KRT40: variants seen among roughly 807,000 people sequenced by gnomAD.
KRT40 encodes the protein keratin 40, also known as keratin, type I cytoskeletal 40.
Under a neutral mutation model 43.5 loss-of-function variants are expected in KRT40, and 47 were observed. The observed-to-expected ratio is 1.08, with a 90% CI of 0.86 to 1.38. The LOEUF (loss-of-function observed/expected upper bound fraction) is 1.38. KRT40 is among the 40% of genes most tolerant of loss of function. The probability of loss-of-function intolerance (pLI) is 0.00; values close to 1 mark genes in which losing one functional copy is unlikely to be tolerated. For synonymous variants in KRT40, 212 were observed against 214.0 expected, an observed-to-expected ratio of 0.99 and a Z score of 0.08; for missense variants, 573 against 523.6, an observed-to-expected ratio of 1.09 and a Z score of -0.92.
rs35971084 is a variant in KRT40 at position 40,980,024 on chromosome 17, A to G, written c.975+761T>C. On this transcript the variant is annotated intron_variant, in intron 5 of 6. Transcript: ENST00000377755. Reference sequence around the variant, plus strand: ...ACATCTACGTAAAAAAAATTTACGCATATTATATATCAATAAAAATAAATT... The same window carrying G: ...ACATCTACGTAAAAAAAATTTACGCGTATTATATATCAATAAAAATAAATT... Among the ~76,000 whole-genome samples the G allele has an allele frequency of 5.3e-5, 8 of 152,012 alleles. No homozygotes were observed. In the East Asian group the frequency reaches 1.5e-3, roughly 29 times the overall value.
chr17:40,985,956 C>T (rs2058738), upstream of KRT40, among the ~76,000 whole-genome samples: 43,414 of 152,090 alleles, frequency 0.29, 6,744 homozygotes, highest in African/African-American at 0.39. Flanking sequence ...AGAAATATTT[C>T]CTTCTGTCTG....
At chr17:40,984,716 T>C (rs80011027), upstream of KRT40, among the ~76,000 whole-genome samples, 2,499 of 152,318 alleles carry the variant, frequency 0.016, 69 homozygotes, top group African/African-American at 0.058. Flanking sequence ...TTAAAATTAG[T>C]ATTACAGCTC....
At position 40,978,223 on chromosome 17, in the gene KRT40, A is replaced by G. The variant is rs557209850; in HGVS notation, c.1270T>C (p.Cys424Arg). ...TCEPCSAYVI[C>R]TVENCCL ...CACAAGCAGCAGTTTTCAACAGTGC[A>G]GATGACATAGGCTGAGCATGGCTCA... The change falls in exon 7 of 7, where the codon TGC becomes CGC. Residue 424 changes from cysteine (C) to arginine (R), a missense_variant. Coordinates refer to ENST00000377755, the MANE Select transcript of KRT40 (RefSeq NM_001389244.1). 9.6e-4 allele frequency: 1,553 copies of G among 1,613,932 alleles called. 25 individuals are homozygous for G. The South Asian group carries it at 0.016, about 17-fold the overall frequency.
intron 1 of KRT40, 139 bp downstream of exon 1, chr17:40,983,688 G>A (rs1227688046): frequency 1.3e-5 from 10 of 767,144 alleles, no homozygotes; most frequent in Non-Finnish European, 1.9e-5. Flanking sequence ...CTTTCAGTCC[G>A]GTGCTCTCCC....
chr17:40,980,150 T>C (rs1006837819), intron 5 of KRT40, among the ~76,000 whole-genome samples: 2 of 152,202 alleles, frequency 1.3e-5, no homozygotes, highest in African/African-American at 4.8e-5. Context: ...TTAATCTGAG[T>C]CTCAGTTTTC....
intron 1 of KRT40, among the ~76,000 whole-genome samples, chr17:40,983,570 T>A (rs1032292303): frequency 6.6e-6 from 1 of 152,164 alleles, no homozygotes; most frequent in Non-Finnish European, 1.5e-5. Flanking sequence ...TATAATACAG[T>A]TTTTCTGCAT....
rs879344774 is a variant in KRT40 at position 40,984,168 on chromosome 17, C to T, written c.106G>A (p.Gly36Ser). Residue 36 changes from glycine to serine, a missense_variant, in exon 1 of 7, where the codon GGT becomes AGT. Transcript: ENST00000377755. ...TGACATCGGGATGTAGCACAGGTAC[C>T]GGGGAGACAAGCTGTTTCCACGGAG... is the stretch of plus-strand genomic sequence containing the variant. ...SCSVETACLP[G>S]TCATSRCQTP... 3.0e-5 allele frequency: 49 copies of T among 1,613,848 alleles called. No individual in the cohort carries two copies. Among genetic ancestry groups the T allele is most frequent in the Non-Finnish European group, 3.8e-5 (45 of 1,180,010 alleles).
chr17:40,979,588 C>G (rs1240449865), intron 5 of KRT40, among the ~76,000 whole-genome samples: 1 of 152,032 alleles, frequency 6.6e-6, no homozygotes, highest in African/African-American at 2.4e-5. Context: ...ACTATCACTA[C>G]CACCACTATG....
chr17:40,982,342 C>T lies in KRT40; in HGVS notation c.652G>A (p.Glu218Lys), dbSNP rs774403118. 29 of 1,600,344 alleles carry T rather than the reference C, an allele frequency of 1.8e-5. 1 individual carries two copies. In the South Asian group the frequency reaches 3.2e-4, roughly 17 times the overall value. ...DLEAHVESLK[E>K]DLLCLKKNHE... ...TTTTTCTTAAGGCAAAGGAGATCTT[C>T]CTTCAGAGACTCCACATGGGCCTCC... The change falls in exon 3 of 7, where the codon GAA (glutamate) becomes AAA (lysine). Residue 218 changes from glutamate to lysine, a missense_variant. By Grantham distance (56) the Glu-to-Lys change is moderately conservative. Transcript: ENST00000377755.
rs746753049 is a variant in KRT40 at position 40,980,768 on chromosome 17, G to A, written c.975+17C>T. On this transcript the variant is annotated intron_variant, in intron 5 of 6. Coordinates refer to ENST00000377755, the MANE Select transcript of KRT40 (RefSeq NM_001389244.1). ...ACTTATCAGTGACACAACGGACACTGCCTTTGCCTCACGCACCAGGCTTTG... is the reference window on the plus strand; with the variant it reads ...ACTTATCAGTGACACAACGGACACTACCTTTGCCTCACGCACCAGGCTTTG... 1.9e-6 allele frequency: 3 copies of A among 1,581,726 alleles called. No homozygotes were observed. Among genetic ancestry groups the A allele is most frequent in the Non-Finnish European group, 2.6e-6 (3 of 1,169,914 alleles).
chr17:40,985,280 A>C (rs1214115308), upstream of KRT40, among the ~76,000 whole-genome samples: 1 of 152,204 alleles, frequency 6.6e-6, no homozygotes, highest in South Asian at 2.1e-4. Context: ...TTTAGGTTCC[A>C]AATCAGTAAT....
chr17:40,980,679 A>G, intron 5 of KRT40, 106 bp downstream of exon 5: 1 of 1,415,590 alleles, frequency 7.1e-7, no homozygotes, highest in Non-Finnish European at 9.4e-7. Context: ...AAACGGCAGT[A>G]CTCGGGAAAG....
At chr17:40,984,759 C>T (rs1912388264), upstream of KRT40, among the ~76,000 whole-genome samples, 1 of 152,086 alleles carries the variant, frequency 6.6e-6, no homozygotes, top group Admixed American at 6.6e-5. Context: ...GTGCCACCAC[C>T]ATAAAAATGG....
intron 5 of KRT40, among the ~76,000 whole-genome samples, chr17:40,979,312 G>C (rs912047506): frequency 2.0e-5 from 3 of 152,018 alleles, no homozygotes; most frequent in African/African-American, 7.2e-5. Context: ...TCAGAAGATC[G>C]AGACCATCCT....
upstream of KRT40, chr17:40,986,842 C>T (rs2143697839): frequency 6.6e-6 from 1 of 152,262 alleles, no homozygotes; most frequent in East Asian, 1.9e-4. Flanking sequence ...TACAAACCTG[C>T]TTTTTGTCGC....
rs1912361253 is a variant in KRT40, at chr17:40,984,320, T to A, written c.-47A>T. On this transcript the variant is annotated 5_prime_UTR_variant, in exon 1 of 7. It adds an upstream start codon to the 5' untranslated region. Transcript: ENST00000377755. ...GACTGGCTGCAAAACTTCAGTTGCC[T>A]TGACTCCAAAACTCTCCTCTCCTGA... 1.4e-6 allele frequency: 2 copies of A among 1,456,394 alleles called. No homozygotes were observed. The highest frequency in any genetic ancestry group is 4.8e-5 in the East Asian group (2 of 41,462). The allele number at this position is 1,456,394 out of a possible 1,614,324, so 90.2% of individuals were successfully genotyped here.
upstream of KRT40, among the ~76,000 whole-genome samples, chr17:40,985,927 T>G (rs574241120): frequency 1.3e-5 from 2 of 152,360 alleles, no homozygotes; most frequent in African/African-American, 2.4e-5. Flanking sequence ...AATGCAGTCA[T>G]GTAAGTGCAG....
chr17:40,981,311 C>A, intron 3 of KRT40, 160 bp from the exon 4 acceptor site: 1 of 1,355,878 alleles, frequency 7.4e-7, no homozygotes, highest in South Asian at 1.2e-5. Context: ...TTAGAAGGGC[C>A]TCAGTTTCTT....
intron 2 of KRT40, 26 bp from the exon 3 acceptor site, chr17:40,982,489 C>A: frequency 6.6e-7 from 1 of 1,519,248 alleles, no homozygotes; most frequent in Non-Finnish European, 8.8e-7. Flanking sequence ...AGAAATCCAA[C>A]GCTTACTTTG....
Sources: allele counts gnomAD v4.1 joint callset (sites outside exome capture counted in the v4.1 genomes callset), GRCh38; gene constraint gnomAD v4.1.1; transcripts MANE v1.5; gene names NCBI Gene and HGNC (gene_info 2026-07-23, HGNC 2026-07-21).